The following HTR1F variants were observed in gnomAD, a reference collection of about 807,000 sequenced individuals.
The protein encoded by HTR1F is 5-hydroxytryptamine (serotonin) receptor 1F, G protein-coupled.
A neutral mutation model predicts 24.0 loss-of-function variants in HTR1F; 17 were observed. The observed-to-expected ratio is 0.71, with a 90% CI of 0.48 to 1.06. The LOEUF (loss-of-function observed/expected upper bound fraction) is 1.06. HTR1F is among the 50% of genes least tolerant of loss of function. The pLI, the probability that HTR1F is intolerant of heterozygous loss-of-function variation, is 0.00. For missense variants in HTR1F, 391 were observed against 427.8 expected (o/e 0.91, Z 0.76); for synonymous variants, 186 against 156.8 (o/e 1.19, Z -1.39).
intron 2 of HTR1F, among the ~76,000 whole-genome samples, chr3:87,851,677 A>C (rs2107207000): frequency 6.6e-6 from 1 of 151,806 alleles, no homozygotes; most frequent in Middle Eastern, 3.4e-3. Context: ...TTTTACAATG[A>C]GGCAGTTAAC....
At chr3:87,888,208 C>G (rs1295211053) in intron 2 of HTR1F, among the ~76,000 whole-genome samples, 3 of 152,170 alleles carry the variant, frequency 2.0e-5, no homozygotes, top group Admixed American at 1.3e-4. Context: ...TCTCAACAAA[C>G]TATCACAAGT....
chr3:87,897,945 C>A (rs1706237868), intron 2 of HTR1F, among the ~76,000 whole-genome samples: 1 of 151,990 alleles, frequency 6.6e-6, no homozygotes, highest in African/African-American at 2.4e-5. Flanking sequence ...ATATACATGT[C>A]TCCCAACAGT....
At chr3:87,886,211 A>C (rs1034098183) in intron 2 of HTR1F, among the ~76,000 whole-genome samples, 2 of 152,226 alleles carry the variant, frequency 1.3e-5, no homozygotes, top group Non-Finnish European at 2.9e-5. Flanking sequence ...AACGTAATCC[A>C]TCACATAAAC....
At chr3:87,909,972 A>G (rs973863681) in intron 2 of HTR1F, among the ~76,000 whole-genome samples, 2 of 152,074 alleles carry the variant, frequency 1.3e-5, no homozygotes, top group Admixed American at 1.3e-4. Flanking sequence ...AGATTAATCT[A>G]TTCTTAATAC....
chr3:87,797,832 A>G lies in HTR1F; in HGVS notation c.-160+4990A>G, dbSNP rs75878465. Among the ~76,000 whole-genome samples, 575 of 152,304 alleles carry G rather than the reference A, an allele frequency of 3.8e-3. 5 individuals carry two copies. The highest frequency in any genetic ancestry group is 0.012 in the African/African-American group (494 of 41,570). On this transcript the variant is annotated intron_variant, in intron 1 of 2. Coordinates refer to ENST00000319595, the MANE Select transcript of HTR1F (RefSeq NM_001322209.2). ...AGTTACTAATGTCGGAAGTAGACCA[A>G]TGAGGATAAACTACACAGAAGGCAA...
chr3:87,937,943 A>G (rs1205351560), intron 2 of HTR1F, among the ~76,000 whole-genome samples: 3 of 150,868 alleles, frequency 2.0e-5, no homozygotes, highest in South Asian at 2.1e-4. Context: ...AAAAAAAAAA[A>G]GAAGAAAGAA....
At chr3:87,883,692 T>C (rs1705865363) in intron 2 of HTR1F, among the ~76,000 whole-genome samples, 1 of 152,160 alleles carries the variant, frequency 6.6e-6, no homozygotes, top group East Asian at 1.9e-4. Flanking sequence ...AACTACGTGA[T>C]GCATGCACAA....
At chr3:87,852,793 G>T (rs1412550944) in intron 2 of HTR1F, among the ~76,000 whole-genome samples, 1 of 151,560 alleles carries the variant, frequency 6.6e-6, no homozygotes, top group Non-Finnish European at 1.5e-5. Context: ...ATTCTTCCGT[G>T]AGAAATTTGT....
intron 2 of HTR1F, among the ~76,000 whole-genome samples, chr3:87,868,779 C>A (rs1705480959): frequency 6.6e-6 from 1 of 151,804 alleles, no homozygotes; most frequent in Admixed American, 6.6e-5. Flanking sequence ...CAGTTAAATC[C>A]TCTTAAGAAT....
intron 1 of HTR1F, among the ~76,000 whole-genome samples, chr3:87,819,755 G>T (rs1345533364): frequency 1.3e-5 from 2 of 151,800 alleles, no homozygotes; most frequent in Non-Finnish European, 2.9e-5. Flanking sequence ...TAAGATAAAA[G>T]AATATTAGCT....
At chr3:87,857,672 C>CTTTTGTGTAA (rs1705225079) in intron 2 of HTR1F, among the ~76,000 whole-genome samples, 1 of 152,050 alleles carries the variant, frequency 6.6e-6, no homozygotes, top group Non-Finnish European at 1.5e-5. Context: ...TGCATAGCCT[C>CTTTTGTGTAA]CCCCATTAGC....
intron 2 of HTR1F, among the ~76,000 whole-genome samples, chr3:87,849,264 A>T (rs1333295659): frequency 6.6e-6 from 1 of 151,846 alleles, no homozygotes; most frequent in Non-Finnish European, 1.5e-5. Context: ...ACAGAGATAT[A>T]GATCAATGCA....
chr3:87,926,725 T>C (rs981112200), intron 2 of HTR1F, among the ~76,000 whole-genome samples: 2 of 152,136 alleles, frequency 1.3e-5, no homozygotes, highest in African/African-American at 4.8e-5. Context: ...ACTGGTAAGA[T>C]TTATTGTCAC....
intron 2 of HTR1F, among the ~76,000 whole-genome samples, chr3:87,842,794 T>C (rs2107181495): frequency 6.6e-6 from 1 of 152,056 alleles, no homozygotes; most frequent in South Asian, 2.1e-4. Flanking sequence ...TGGCACTTCA[T>C]TTCTAGTATG....
At chr3:87,872,945 A>G (rs2107260097) in intron 2 of HTR1F, among the ~76,000 whole-genome samples, 1 of 152,190 alleles carries the variant, frequency 6.6e-6, no homozygotes, top group East Asian at 1.9e-4. Context: ...TTTATGAGGC[A>G]AGGAATATGC....
At chr3:87,859,250 TA>T (rs1462066765) in intron 2 of HTR1F, among the ~76,000 whole-genome samples, 7 of 152,202 alleles carry the variant, frequency 4.6e-5, no homozygotes, top group African/African-American at 1.7e-4. Context: ...CACAGGAATT[TA>T]TTGTTGCTGT....
chr3:87,886,888 T>C (rs1705959787), intron 2 of HTR1F, among the ~76,000 whole-genome samples: 1 of 152,084 alleles, frequency 6.6e-6, no homozygotes, highest in African/African-American at 2.4e-5. Flanking sequence ...ATCGTGAAAA[T>C]GGCCATACTG....
chr3:87,977,815 G>C (rs1399608166), intron 2 of HTR1F, among the ~76,000 whole-genome samples: 2 of 151,988 alleles, frequency 1.3e-5, no homozygotes, highest in African/African-American at 2.4e-5. Flanking sequence ...TTGAAATCTA[G>C]TGTCACAGGA....
At chr3:87,842,084 T>C (rs1704820942) in intron 2 of HTR1F, among the ~76,000 whole-genome samples, 1 of 151,872 alleles carries the variant, frequency 6.6e-6, no homozygotes, top group African/African-American at 2.4e-5. Flanking sequence ...TAAGGTTACA[T>C]TGTATACTTA....
Sources: allele counts gnomAD v4.1 joint callset (sites outside exome capture counted in the v4.1 genomes callset), GRCh38; gene constraint gnomAD v4.1.1; transcripts MANE v1.5; gene names NCBI Gene and HGNC (gene_info 2026-07-23, HGNC 2026-07-21).